Variants in NLGN1 observed in about 807,000 individuals in gnomAD.
NLGN1 encodes neuroligin-1.
Under a neutral mutation model 65.5 loss-of-function variants are expected in NLGN1, and 12 were observed. The ratio of observed to expected loss-of-function variants is 0.18; its 90% CI spans 0.12 to 0.30. The LOEUF is 0.30. Among genes scored for constraint, NLGN1 ranks in the 10% least tolerant of loss-of-function variants. The probability of loss-of-function intolerance (pLI) is 1.00; values close to 1 mark genes in which losing one functional copy is unlikely to be tolerated. For missense variants in NLGN1, 750 were observed against 1,007.1 expected, an observed-to-expected ratio of 0.74 and a Z score of 3.46; for synonymous variants, 350 against 359.5, an observed-to-expected ratio of 0.97 and a Z score of 0.30.
At chr3:173,460,873 G>A (rs1723260263) in intron 2 of NLGN1, among the ~76,000 whole-genome samples, 1 of 152,122 alleles carries the variant, frequency 6.6e-6, no homozygotes, top group Non-Finnish European at 1.5e-5. Context: ...TCCTCACAGT[G>A]TGAAGAGCTG....
chr3:174,157,098 C>T (rs1725580008), intron 4 of NLGN1, among the ~76,000 whole-genome samples: 1 of 151,376 alleles, frequency 6.6e-6, no homozygotes, highest in South Asian at 2.1e-4. Flanking sequence ...GCAAGAATTT[C>T]AAAGGCACTT....
intron 2 of NLGN1, among the ~76,000 whole-genome samples, chr3:173,559,911 T>C (rs1742383157): frequency 6.6e-6 from 1 of 151,900 alleles, no homozygotes; most frequent in South Asian, 2.1e-4. Flanking sequence ...ATCATTTGAC[T>C]TCAGTGATAA....
At chr3:174,230,609 T>G (rs1243306937) in intron 4 of NLGN1, among the ~76,000 whole-genome samples, 1 of 152,158 alleles carries the variant, frequency 6.6e-6, no homozygotes, top group Non-Finnish European at 1.5e-5. Flanking sequence ...TTTAGTGAAG[T>G]ATCAGCATTG....
rs1729760936 is a variant in NLGN1, at chr3:173,494,956, C to T, written c.-321+59878C>T. ...AAGGCAAGTAGTGTAAATCCTCTAA[C>T]TTTGTTCTTTTACTAAATTGCTTTC... On this transcript the variant is annotated intron_variant, in intron 2 of 6. Transcript: ENST00000457714. Among the ~76,000 whole-genome samples the T allele has an allele frequency of 2.0e-5, 3 of 151,792 alleles. No homozygotes were observed. In the South Asian group the frequency reaches 6.2e-4, roughly 32 times the overall value.
rs116605338 is a variant in NLGN1, at chr3:173,781,333, G to A, written c.494-26347G>A. ...GCTAATACTTTTTTCTGTGCAAATA[G>A]GATGATACTTTTCAGATTGTTCTGT... On this transcript the variant is annotated intron_variant, in intron 3 of 6. Transcript: ENST00000457714. Among the ~76,000 whole-genome samples, 1,118 of 152,098 alleles carry A rather than the reference G, an allele frequency of 7.4e-3. 18 individuals carry two copies. Among genetic ancestry groups the A allele is most frequent in the African/African-American group, 0.024 (1,013 of 41,494 alleles).
At chr3:173,564,105 T>C (rs1014538600) in intron 2 of NLGN1, among the ~76,000 whole-genome samples, 11 of 152,346 alleles carry the variant, frequency 7.2e-5, no homozygotes, top group East Asian at 1.9e-4. Flanking sequence ...TCTTTGTTGC[T>C]CTGTGAACAT....
At chr3:174,274,011 T>C (rs1173044300) in intron 4 of NLGN1, among the ~76,000 whole-genome samples, 1 of 151,712 alleles carries the variant, frequency 6.6e-6, no homozygotes, top group Non-Finnish European at 1.5e-5. Context: ...TATTTCAAAT[T>C]GAATAAAATA....
At chr3:173,978,687 A>G (rs746422531) in intron 4 of NLGN1, among the ~76,000 whole-genome samples, 1 of 151,748 alleles carries the variant, frequency 6.6e-6, no homozygotes, top group Non-Finnish European at 1.5e-5. Flanking sequence ...ACCTTTGTCA[A>G]ATATTCCTGA....
intron 4 of NLGN1, among the ~76,000 whole-genome samples, chr3:174,239,132 G>C (rs866381988): frequency 6.6e-6 from 1 of 151,362 alleles, no homozygotes; most frequent in Admixed American, 6.6e-5. Context: ...GTGCAGTGGC[G>C]ATCTCAGCTC....
chr3:174,138,278 T>C (rs1384025884), intron 4 of NLGN1, among the ~76,000 whole-genome samples: 1 of 152,142 alleles, frequency 6.6e-6, no homozygotes, highest in East Asian at 1.9e-4. Context: ...ATTCAAGTTA[T>C]CAGAAAAAAA....
At chr3:173,832,396 GT>G (rs753055476) in intron 4 of NLGN1, among the ~76,000 whole-genome samples, 47 of 152,246 alleles carry the variant, frequency 3.1e-4, no homozygotes, top group Admixed American at 2.0e-3. Context: ...TGAATTTATT[GT>G]TTTTGGATAA....
intron 2 of NLGN1, among the ~76,000 whole-genome samples, chr3:173,486,689 A>G (rs1391333099): frequency 6.6e-6 from 1 of 152,202 alleles, no homozygotes; most frequent in East Asian, 1.9e-4. Context: ...ACATAATTCG[A>G]TTTGTTCTTT....
chr3:173,499,906 G>A (rs183040382), intron 2 of NLGN1, among the ~76,000 whole-genome samples: 1 of 151,842 alleles, frequency 6.6e-6, no homozygotes, highest in South Asian at 2.1e-4. Flanking sequence ...CATTGATTTT[G>A]TATCCTGAGA....
intron 3 of NLGN1, among the ~76,000 whole-genome samples, chr3:173,792,635 T>TA (rs570242047): frequency 1.3e-3 from 201 of 151,600 alleles, no homozygotes; most frequent in African/African-American, 4.5e-3. Flanking sequence ...AGACTCACAA[T>TA]AAAAAAAAGA....
intron 4 of NLGN1, among the ~76,000 whole-genome samples, chr3:173,985,747 C>T (rs1443258415): frequency 6.6e-6 from 1 of 151,834 alleles, no homozygotes; most frequent in Non-Finnish European, 1.5e-5. Flanking sequence ...GTCAGGAGTT[C>T]GAGACCAGCC....
At chr3:174,070,928 A>T (rs1739703673) in intron 4 of NLGN1, among the ~76,000 whole-genome samples, 1 of 152,050 alleles carries the variant, frequency 6.6e-6, no homozygotes, top group African/African-American at 2.4e-5. Flanking sequence ...TGGTAGATGC[A>T]CATGTGGTTG....
rs1302763934 is a variant in NLGN1 at position 174,242,810 on chromosome 3, C to A, written c.647-32505C>A. Among the ~76,000 whole-genome samples, 7 of 152,298 alleles carry A rather than the reference C, an allele frequency of 4.6e-5. No individual in the cohort carries two copies. The East Asian group carries it at 1.4e-3, about 29-fold the overall frequency. ...ATCATCCTGAAACCATTCCCGCCCCCATCCATGGAAAAATTGGCTTCCACA... is the reference window on the plus strand; with the variant it reads ...ATCATCCTGAAACCATTCCCGCCCCAATCCATGGAAAAATTGGCTTCCACA... On this transcript the variant is annotated intron_variant, in intron 4 of 6. Coordinates refer to ENST00000457714, the Ensembl canonical transcript of NLGN1.
At chr3:173,864,695 A>T (rs1447631982) in intron 4 of NLGN1, among the ~76,000 whole-genome samples, 1 of 152,212 alleles carries the variant, frequency 6.6e-6, no homozygotes, top group Admixed American at 6.5e-5. Flanking sequence ...TGCAACTGAA[A>T]CTTACACGCA....
intron 2 of NLGN1, among the ~76,000 whole-genome samples, chr3:173,561,523 A>G (rs994512993): frequency 2.0e-5 from 3 of 152,208 alleles, no homozygotes; most frequent in Non-Finnish European, 2.9e-5. Flanking sequence ...CCCCTGAGAA[A>G]CATAAGCAGC....
Sources: allele counts gnomAD v4.1 joint callset (sites outside exome capture counted in the v4.1 genomes callset), GRCh38; gene constraint gnomAD v4.1.1; transcripts MANE v1.5; gene names NCBI Gene and HGNC (gene_info 2026-07-23, HGNC 2026-07-21).